PLPP4: variants seen among roughly 807,000 people sequenced by gnomAD.
PLPP4 encodes the protein phospholipid phosphatase 4.
PLPP4 carries 20 observed loss-of-function variants against 32.2 expected under a neutral mutation model. That is an observed-to-expected ratio of 0.62 (90% CI 0.44 to 0.90). The LOEUF is 0.90. Ranked by LOEUF, PLPP4 falls within the 40% of genes least tolerant of loss-of-function variation. The pLI is 0.00. For synonymous variants in PLPP4, 127 were observed against 133.0 expected, an observed-to-expected ratio of 0.95 and a Z score of 0.31; for missense variants, 257 against 353.1, an observed-to-expected ratio of 0.73 and a Z score of 2.18.
chr10:120,569,105 G>A (rs1196317872), intron 5 of PLPP4, among the ~76,000 whole-genome samples: 1 of 152,058 alleles, frequency 6.6e-6, no homozygotes, highest in Non-Finnish European at 1.5e-5. Flanking sequence ...TGGGCGTGGT[G>A]ATGGGCACCT....
At chr10:120,465,182 T>C (rs1181687773) in intron 1 of PLPP4, among the ~76,000 whole-genome samples, 1 of 152,212 alleles carries the variant, frequency 6.6e-6, no homozygotes, top group Non-Finnish European at 1.5e-5. Flanking sequence ...AGTGCTTCTT[T>C]AAAAAATATT....
At chr10:120,586,593 G>A (rs919271137) in intron 6 of PLPP4, among the ~76,000 whole-genome samples, 1 of 152,132 alleles carries the variant, frequency 6.6e-6, no homozygotes, top group African/African-American at 2.4e-5. Context: ...AGGAGGACCA[G>A]AATGGGAAAG....
intron 1 of PLPP4, among the ~76,000 whole-genome samples, chr10:120,470,461 T>C (rs1217630070): frequency 5.3e-5 from 8 of 152,218 alleles, no homozygotes; most frequent in Non-Finnish European, 1.2e-4. Context: ...TGTGAGTCTT[T>C]CCTTGTGGTT....
rs186157375 is a variant in PLPP4 at position 120,548,181 on chromosome 10, A to G, written c.446-26950A>G. 1.2e-4 allele frequency among the ~76,000 whole-genome samples: 19 copies of G among 152,266 alleles called. No homozygotes were observed. In the East Asian group the frequency reaches 3.7e-3, roughly 29 times the overall value. On this transcript the variant is annotated intron_variant, in intron 5 of 6. Transcript: ENST00000398250. ...GTACAAATTATTTGGTCACCCAGGTAATAAGCATAGTACTCAATAGGTGTT... is the reference window on the plus strand; with the variant it reads ...GTACAAATTATTTGGTCACCCAGGTGATAAGCATAGTACTCAATAGGTGTT...
rs751232501 is a variant in PLPP4, at chr10:120,589,363, A to G, written c.677A>G (p.Tyr226Cys). The change falls in exon 7 of 7, where the codon TAT becomes TGT. Residue 226 changes from tyrosine (Y) to cysteine (C), a missense_variant. Physicochemically the swap from Tyr to Cys is radical, Grantham distance 194. Transcript: ENST00000398250. ...GCATACATTTGCTACAGACAGCACT[A>G]TCCTCCTCTGGCCAACACAGCTTGC... ...IFAYICYRQH[Y>C]PPLANTACHK... 1.2e-6 allele frequency: 2 copies of G among 1,614,156 alleles called. No individual in the cohort carries two copies. The highest frequency in any genetic ancestry group is 1.7e-6 in the Non-Finnish European group (2 of 1,180,038).
chr10:120,578,051 T>C (rs530666840), intron 6 of PLPP4, among the ~76,000 whole-genome samples: 1 of 152,258 alleles, frequency 6.6e-6, no homozygotes, highest in South Asian at 2.1e-4. Context: ...ACAAGACCCC[T>C]CGCCCACTAA....
At chr10:120,575,739 G>A (rs1172733254) in intron 6 of PLPP4, among the ~76,000 whole-genome samples, 1 of 152,182 alleles carries the variant, frequency 6.6e-6, no homozygotes, top group Non-Finnish European at 1.5e-5. Context: ...TCTAGCCAGG[G>A]ATTCATTCCA....
intron 1 of PLPP4, among the ~76,000 whole-genome samples, chr10:120,476,986 G>A (rs1435436212): frequency 6.6e-6 from 1 of 152,072 alleles, no homozygotes; most frequent in East Asian, 1.9e-4. Flanking sequence ...TCTTGCCTGT[G>A]AGAGCCACTT....
At chr10:120,466,915 A>G (rs1848349288) in intron 1 of PLPP4, among the ~76,000 whole-genome samples, 1 of 152,124 alleles carries the variant, frequency 6.6e-6, no homozygotes, top group Non-Finnish European at 1.5e-5. Flanking sequence ...ATACAGGTCA[A>G]TGAAAAGATG....
chr10:120,519,835 C>T (rs899938969), intron 4 of PLPP4, among the ~76,000 whole-genome samples: 3 of 152,136 alleles, frequency 2.0e-5, no homozygotes, highest in Non-Finnish European at 4.4e-5. Flanking sequence ...AGGTGCTCAG[C>T]GAATATTAGT....
At chr10:120,578,776 C>T (rs1488820485) in intron 6 of PLPP4, among the ~76,000 whole-genome samples, 3 of 152,166 alleles carry the variant, frequency 2.0e-5, no homozygotes, top group Non-Finnish European at 4.4e-5. Flanking sequence ...AGACACAAAA[C>T]CGGTGGGATC....
intron 5 of PLPP4, among the ~76,000 whole-genome samples, chr10:120,552,165 G>GGTGTGTGTGTGTGTGTGTGTGTGT (rs58426120): frequency 1.4e-5 from 2 of 138,546 alleles, no homozygotes; most frequent in African/African-American, 2.7e-5. Flanking sequence ...GTGGTGGTGG[G>GGTGTGTGTGTGTGTGTGTGTGTGT]GTGTGTGTGT....
At position 120,589,341 on chromosome 10, in the gene PLPP4, T is replaced by C. The variant is rs1402582185; in HGVS notation, c.655T>C (p.Tyr219His). Residue 219 changes from tyrosine (Y) to histidine (H), a missense_variant, in exon 7 of 7, where the codon TAC (tyrosine) becomes CAC (histidine). By Grantham distance (83) the Tyr-to-His change is moderately conservative (BLOSUM62 2). Transcript: ENST00000398250. The part of the protein sequence containing the change: ...VGGVIGLIFA[Y>H]ICYRQHYPPL... ...TGGAGTCATCGGCCTCATTTTTGCA[T>C]ACATTTGCTACAGACAGCACTATCC... 1.9e-6 allele frequency: 3 copies of C among 1,614,192 alleles called. No homozygotes were observed. Among genetic ancestry groups the C allele is most frequent in the East Asian group, 4.5e-5 (2 of 44,884 alleles).
At chr10:120,470,828 T>C (rs1377087882) in intron 1 of PLPP4, among the ~76,000 whole-genome samples, 1 of 152,196 alleles carries the variant, frequency 6.6e-6, no homozygotes, top group Non-Finnish European at 1.5e-5. Context: ...TGGTTAAGGC[T>C]TCAGGCTCTA....
At chr10:120,472,562 G>A (rs1027654784) in intron 1 of PLPP4, among the ~76,000 whole-genome samples, 2 of 151,974 alleles carry the variant, frequency 1.3e-5, no homozygotes, top group African/African-American at 4.8e-5. Context: ...TGTCTAGGTT[G>A]GTCTCATTAG....
chr10:120,471,853 T>G (rs1189815427), intron 1 of PLPP4, among the ~76,000 whole-genome samples: 1 of 152,010 alleles, frequency 6.6e-6, no homozygotes, highest in African/African-American at 2.4e-5. Context: ...TTGTTTGTAT[T>G]CCATTTTACC....
intron 5 of PLPP4, among the ~76,000 whole-genome samples, chr10:120,525,095 A>G (rs1392122865): frequency 6.6e-6 from 1 of 152,228 alleles, no homozygotes; most frequent in Non-Finnish European, 1.5e-5. Context: ...TTGTAGGTAG[A>G]GTTTTACGGG....
chr10:120,527,135 C>T (rs1846433752), intron 5 of PLPP4, among the ~76,000 whole-genome samples: 2 of 152,176 alleles, frequency 1.3e-5, no homozygotes, highest in African/African-American at 2.4e-5. Flanking sequence ...AATCAATCAT[C>T]AGTCATGTAT....
chr10:120,569,110 G>C (rs1221006050), intron 5 of PLPP4, among the ~76,000 whole-genome samples: 1 of 152,040 alleles, frequency 6.6e-6, no homozygotes, highest in Non-Finnish European at 1.5e-5. Context: ...GTGGTGATGG[G>C]CACCTGCAAT....
Sources: allele counts gnomAD v4.1 joint callset (sites outside exome capture counted in the v4.1 genomes callset), GRCh38; gene constraint gnomAD v4.1.1; transcripts MANE v1.5; gene names NCBI Gene and HGNC (gene_info 2026-07-23, HGNC 2026-07-21).